Variants in ARHGAP22 observed in about 807,000 individuals in gnomAD.
ARHGAP22 encodes Rho GTPase activating protein 22, also known as rho GTPase-activating protein 22.
ARHGAP22 carries 48 observed loss-of-function variants against 59.1 expected under a neutral mutation model. The observed-to-expected ratio is 0.81, with a 90% CI of 0.64 to 1.03. ARHGAP22 has a LOEUF of 1.03. Among genes scored for constraint, ARHGAP22 ranks in the 50% least tolerant of loss-of-function variants. ARHGAP22 has a pLI of 0.00. For synonymous variants in ARHGAP22, 445 were observed against 416.4 expected, an observed-to-expected ratio of 1.07 and a Z score of -0.84; for missense variants, 1,015 against 958.7, an observed-to-expected ratio of 1.06 and a Z score of -0.78.
At chr10:48,528,749 T>C (rs539687880) in intron 3 of ARHGAP22, among the ~76,000 whole-genome samples, 5 of 152,286 alleles carry the variant, frequency 3.3e-5, no homozygotes, top group East Asian at 1.9e-4. Flanking sequence ...ATAAGTGAGT[T>C]CTCACTCTGG....
In ARHGAP22 at chr10:48,509,117, G is replaced by A. The variant is rs895678061; in HGVS notation, c.323-29353C>T. Among the ~76,000 whole-genome samples, 5 of 152,360 alleles carry A rather than the reference G, an allele frequency of 3.3e-5. 1 individual carries two copies. The South Asian group carries it at 1.0e-3, about 32-fold the overall frequency. Reference sequence around the variant, plus strand: ...CAGTCCACCCAACTGTAGCTGAGCAGGCTCTGGGCTGAAGTCTGACGTCAG... The same window carrying A: ...CAGTCCACCCAACTGTAGCTGAGCAAGCTCTGGGCTGAAGTCTGACGTCAG... On this transcript the variant is annotated intron_variant, in intron 3 of 9. Coordinates refer to ENST00000249601, the MANE Select transcript of ARHGAP22 (RefSeq NM_021226.4).
chr10:48,616,525 G>A (rs2061089052), intron 1 of ARHGAP22, among the ~76,000 whole-genome samples: 1 of 152,110 alleles, frequency 6.6e-6, no homozygotes, highest in South Asian at 2.1e-4. Flanking sequence ...TCAGAGATCT[G>A]TACTAAGTCA....
chr10:48,557,113 T>C (rs1191042676), intron 2 of ARHGAP22, among the ~76,000 whole-genome samples: 1 of 151,372 alleles, frequency 6.6e-6, no homozygotes, highest in East Asian at 1.9e-4. Flanking sequence ...GTAATCTTTG[T>C]AACTGAATTG....
intron 2 of ARHGAP22, among the ~76,000 whole-genome samples, chr10:48,559,460 A>G (rs1427242245): frequency 6.6e-6 from 1 of 152,238 alleles, no homozygotes; most frequent in African/African-American, 2.4e-5. Context: ...TAATGGACAA[A>G]GGATGTGCCA....
At chr10:48,537,178 A>G (rs887298964) in intron 3 of ARHGAP22, among the ~76,000 whole-genome samples, 4 of 152,230 alleles carry the variant, frequency 2.6e-5, no homozygotes, top group Non-Finnish European at 5.9e-5. Context: ...TGGTTTCCAC[A>G]TTCCTTCAGG....
chr10:48,515,664 A>G (rs369707184), intron 3 of ARHGAP22, among the ~76,000 whole-genome samples: 1 of 152,246 alleles, frequency 6.6e-6, no homozygotes, highest in East Asian at 1.9e-4. Context: ...TAGACCATTT[A>G]CTAAATCATA....
intron 3 of ARHGAP22, among the ~76,000 whole-genome samples, chr10:48,523,629 G>GGGGCGGCGCA (rs1382456430): frequency 6.6e-6 from 1 of 152,224 alleles, no homozygotes; most frequent in Non-Finnish European, 1.5e-5. Context: ...TTAAGCCGCA[G>GGGGCGGCGCA]GGGCGGCGCA....
At chr10:48,435,039 C>A in the ARHGAP22 span, 2 of 1,507,082 alleles carry the variant, frequency 1.3e-6, no homozygotes, top group Non-Finnish European at 1.8e-6. Flanking sequence ...ACTACTTGGG[C>A]CATCGGGGGG....
chr10:48,614,054 A>G (rs4114458), intron 1 of ARHGAP22, among the ~76,000 whole-genome samples: 83,046 of 151,168 alleles, frequency 0.55, 23,020 homozygotes, highest in African/African-American at 0.64. Context: ...TGGGCTTCCC[A>G]TCCTCCAGAA....
upstream of ARHGAP22, among the ~76,000 whole-genome samples, chr10:48,655,265 G>C (rs1469230439): frequency 7.0e-6 from 1 of 143,560 alleles, no homozygotes; most frequent in East Asian, 2.1e-4. Context: ...GTGGGGGGGG[G>C]GGGGGGCGGG....
At chr10:48,642,843 A>T (rs1328137767) in intron 1 of ARHGAP22, among the ~76,000 whole-genome samples, 2 of 152,262 alleles carry the variant, frequency 1.3e-5, no homozygotes, top group Non-Finnish European at 2.9e-5. Flanking sequence ...TACTCATCTG[A>T]CAAAGGGCTA....
intron 5 of ARHGAP22, among the ~76,000 whole-genome samples, chr10:48,457,834 C>T (rs1277909041): frequency 6.6e-6 from 1 of 152,040 alleles, no homozygotes; most frequent in South Asian, 2.1e-4. Context: ...AAGCCAACAC[C>T]CCAGCAGGCA....
At chr10:48,604,683 T>C (rs1444660624) in intron 1 of ARHGAP22, 80 bp downstream of exon 1, 2 of 1,608,716 alleles carry the variant, frequency 1.2e-6, no homozygotes, top group African/African-American at 2.7e-5. Context: ...ACACATGGCG[T>C]GACGGCTGGC....
At chr10:48,483,090 G>A (rs1480699433) in intron 3 of ARHGAP22, among the ~76,000 whole-genome samples, 2 of 152,016 alleles carry the variant, frequency 1.3e-5, no homozygotes, top group African/African-American at 4.8e-5. Flanking sequence ...ATTCATTGCT[G>A]CAAATGACAC....
intron 8 of ARHGAP22, chr10:48,451,609 T>C: frequency 1.4e-6 from 1 of 698,342 alleles, no homozygotes; most frequent in Non-Finnish European, 2.6e-6. Flanking sequence ...CCATCTTTCC[T>C]GTGTGGGGGC....
intron 3 of ARHGAP22, among the ~76,000 whole-genome samples, chr10:48,549,766 G>A (rs2056756027): frequency 6.6e-6 from 1 of 152,114 alleles, no homozygotes; most frequent in Admixed American, 6.5e-5. Flanking sequence ...CTCTCACTCA[G>A]TCCGCTTGTG....
At chr10:48,621,586 T>C (rs777390660) in intron 1 of ARHGAP22, among the ~76,000 whole-genome samples, 2 of 152,226 alleles carry the variant, frequency 1.3e-5, no homozygotes, top group Non-Finnish European at 2.9e-5. Flanking sequence ...CATCCCTAGA[T>C]ATTACATTTG....
rs1193661101 is a variant in ARHGAP22, at chr10:48,450,659, G to T, written c.1470C>A (p.Ser490=). Residue 490 remains serine, a synonymous_variant, in exon 9 of 10, where the codon TCC becomes TCA. Transcript: ENST00000249601. ...CCGGCGCGGGCACATTGTCGTAGGT[G>T]GAGAGTCTCTGCACGGAGCCCGAGT... ...LKDSGSVQRL[S]TYDNVPAPGL... is the part of the protein sequence containing the mutation. 6.4e-7 allele frequency: 1 copy of T among 1,550,466 alleles called. No individual in the cohort carries two copies. The highest frequency in any genetic ancestry group is 2.0e-5 in the Admixed American group (1 of 51,078).
intron 1 of ARHGAP22, among the ~76,000 whole-genome samples, chr10:48,623,215 G>A (rs2061341194): frequency 6.6e-6 from 1 of 152,174 alleles, no homozygotes; most frequent in South Asian, 2.1e-4. Flanking sequence ...CATGGTTGAA[G>A]GCTGACAGTC....
Sources: gnomAD v4.1 joint callset for allele counts (sites outside exome capture counted in the v4.1 genomes callset) on GRCh38, gnomAD v4.1.1 for gene constraint, MANE v1.5 for transcripts, NCBI Gene and HGNC (gene_info 2026-07-23, HGNC 2026-07-21) for gene names.